Variants in FAAH2 observed in about 807,000 individuals in gnomAD.
FAAH2 encodes fatty-acid amide hydrolase 2.
A neutral mutation model predicts 36.9 loss-of-function variants in FAAH2; 60 were observed. The observed-to-expected ratio is 1.63, with a 90% confidence interval of 1.32 to 2.02. FAAH2 has a LOEUF of 2.02. Ranked by LOEUF, FAAH2 falls within the 30% of genes most tolerant of loss-of-function variation. The pLI is 0.00. For missense variants in FAAH2, 689 were observed against 397.5 expected (o/e 1.73, Z -6.23); for synonymous variants, 214 against 143.8 (o/e 1.49, Z -3.49).
intron 2 of FAAH2, among the ~76,000 whole-genome samples, chrX:57,293,761 C>T (rs768074930): frequency 9.0e-6 from 1 of 110,911 alleles, no homozygotes; most frequent in African/African-American, 3.3e-5. Flanking sequence ...TAGATAAAGA[C>T]CTGAGAGAAA....
chrX:57,480,372 TG>T (rs2057357831), intron 10 of FAAH2, among the ~76,000 whole-genome samples: 1 of 112,007 alleles, frequency 8.9e-6, no homozygotes, highest in Non-Finnish European at 1.9e-5. Context: ...AATAAAACAC[TG>T]GCAAACCGAA....
At chrX:57,183,468 A>T in the FAAH2 span, among the ~76,000 whole-genome samples, 1 of 111,991 alleles carries the variant, frequency 8.9e-6, no homozygotes, top group African/African-American at 3.2e-5. Context: ...AATATTAAGA[A>T]TGTTAAGAAT....
intron 7 of FAAH2, among the ~76,000 whole-genome samples, chrX:57,413,826 T>C (rs1299755087): frequency 8.9e-6 from 1 of 112,281 alleles, no homozygotes; most frequent in Non-Finnish European, 1.9e-5. Context: ...ATGATATTGA[T>C]TCTTTCTATC....
the FAAH2 span, among the ~76,000 whole-genome samples, chrX:57,204,680 C>T: frequency 8.9e-6 from 1 of 112,383 alleles, no homozygotes; most frequent in Admixed American, 9.4e-5. Context: ...TCTTTCTTTG[C>T]AGCTGGTTTC....
intron 7 of FAAH2, among the ~76,000 whole-genome samples, chrX:57,402,809 C>T (rs1401654620): frequency 3.6e-5 from 4 of 112,090 alleles, no homozygotes; most frequent in Non-Finnish European, 5.6e-5. Flanking sequence ...TTCTGCATCC[C>T]TCTGAGGGTC....
At chrX:57,442,127 G>T (rs139114299) in intron 8 of FAAH2, among the ~76,000 whole-genome samples, 2 of 110,700 alleles carry the variant, frequency 1.8e-5, no homozygotes, top group East Asian at 2.8e-4. Context: ...TATTAGGTCC[G>T]CTTGGTGCAG....
chrX:57,394,168 TCCTGCAACACCA>T (rs1038428840), intron 7 of FAAH2: 2 of 647,493 alleles, frequency 3.1e-6, no homozygotes, highest in Non-Finnish European at 5.2e-6. Context: ...AGTAGCCGCC[TCCTGCAACACCA>T]CCTTTTATTC....
the FAAH2 span, among the ~76,000 whole-genome samples, chrX:57,247,592 T>A: frequency 8.9e-6 from 1 of 112,014 alleles, no homozygotes; most frequent in South Asian, 3.7e-4. Context: ...GCTTTTTTTA[T>A]CTTGTTTGTC....
At chrX:57,279,604 T>TA in the FAAH2 span, among the ~76,000 whole-genome samples, 1 of 110,647 alleles carries the variant, frequency 9.0e-6, no homozygotes, top group African/African-American at 3.3e-5. Flanking sequence ...ATAATAATAA[T>TA]AAAAAAGAAC....
chrX:57,378,448 G>T (rs775725004), intron 5 of FAAH2, among the ~76,000 whole-genome samples: 3 of 111,301 alleles, frequency 2.7e-5, no homozygotes, highest in Non-Finnish European at 3.8e-5. Context: ...GAAGTTCTTC[G>T]TTGGACTCTA....
chrX:57,486,794 C>A (rs1041158044), intron 10 of FAAH2, among the ~76,000 whole-genome samples: 5 of 111,619 alleles, frequency 4.5e-5, no homozygotes, highest in African/African-American at 1.6e-4. Flanking sequence ...GAAATGAAAC[C>A]ATTCCTCTTA....
At chrX:57,479,698 A>G (rs911540343) in intron 10 of FAAH2, among the ~76,000 whole-genome samples, 5 of 111,325 alleles carry the variant, frequency 4.5e-5, no homozygotes, top group Admixed American at 3.8e-4. Context: ...TAGCATGAAG[A>G]GGTGTTGAAT....
At chrX:57,144,882 CTA>C in the FAAH2 span, among the ~76,000 whole-genome samples, 46,068 of 103,287 alleles carry the variant, frequency 0.45, 10,965 homozygotes, top group African/African-American at 0.88. Context: ...TAGTATTCCA[CTA>C]TATATATATA....
At chrX:57,341,746 G>A (rs929427317) in intron 5 of FAAH2, among the ~76,000 whole-genome samples, 1 of 109,856 alleles carries the variant, frequency 9.1e-6, no homozygotes, top group Non-Finnish European at 1.9e-5. Context: ...AAACCTACTT[G>A]GATTACAGGA....
intron 5 of FAAH2, among the ~76,000 whole-genome samples, chrX:57,373,423 C>T (rs1448231723): frequency 1.8e-5 from 2 of 108,936 alleles, no homozygotes; most frequent in South Asian, 4.0e-4. Flanking sequence ...GCCATTCTTG[C>T]AGGAGTAAGG....
At chrX:57,164,451 C>T in the FAAH2 span, among the ~76,000 whole-genome samples, 1 of 111,545 alleles carries the variant, frequency 9.0e-6, no homozygotes, top group African/African-American at 3.3e-5. Context: ...AAGTACAATA[C>T]GAACTTTGAT....
At chrX:57,134,002 C>T in the FAAH2 span, among the ~76,000 whole-genome samples, 1 of 111,286 alleles carries the variant, frequency 9.0e-6, no homozygotes, top group Non-Finnish European at 1.9e-5. Flanking sequence ...GCGTCACCAG[C>T]ACTCTTTCTT....
chrX:57,155,878 C>T, the FAAH2 span, among the ~76,000 whole-genome samples: 1 of 111,806 alleles, frequency 8.9e-6, no homozygotes, highest in South Asian at 3.8e-4. Context: ...CCCTGTATTT[C>T]ACTCGGCTCT....
At position 57,488,859 on chromosome X, in the gene FAAH2, A is replaced by G. The variant is rs764976499; in HGVS notation, c.1526A>G (p.Asp509Gly). 8.3e-7 allele frequency: 1 copy of G among 1,210,832 alleles called. No individual in the cohort carries two copies. Among genetic ancestry groups the G allele is most frequent in the East Asian group, 3.0e-5 (1 of 33,745 alleles). ...CAGGTTGTGGCTGGACCCTTTAATG[A>G]TCATCTGACCCTGGCTGTGGCCCAG... ...GIQVVAGPFN[D>G]HLTLAVAQYL... The change falls in exon 11 of 11, where the codon GAT becomes GGT. Residue 509 changes from aspartate to glycine, a missense_variant. Transcript: ENST00000374900.
Sources: gnomAD v4.1 joint callset for allele counts (sites outside exome capture counted in the v4.1 genomes callset) on GRCh38, gnomAD v4.1.1 for gene constraint, MANE v1.5 for transcripts, NCBI Gene and HGNC (gene_info 2026-07-23, HGNC 2026-07-21) for gene names.